The following GPC5 variants were observed in gnomAD, a reference collection of about 807,000 sequenced individuals.
GPC5 encodes the protein glypican 5, also known as glypican-5.
In GPC5, 47 loss-of-function variants were observed where a neutral mutation model predicts 53.9. The observed-to-expected ratio is 0.87, with a 90% CI of 0.69 to 1.11. GPC5 has a LOEUF of 1.11. Ranked by LOEUF, GPC5 falls within the 50% of genes most tolerant of loss-of-function variation. The probability of loss-of-function intolerance (pLI) is 0.00; values close to 1 mark genes in which losing one functional copy is unlikely to be tolerated. For synonymous variants in GPC5, 286 were observed against 263.3 expected, an observed-to-expected ratio of 1.09 and a Z score of -0.84; for missense variants, 748 against 713.1, an observed-to-expected ratio of 1.05 and a Z score of -0.56.
chr13:91,500,920 TA>T (rs1352669628), intron 2 of GPC5, among the ~76,000 whole-genome samples: 1 of 152,188 alleles, frequency 6.6e-6, no homozygotes, highest in Non-Finnish European at 1.5e-5. Flanking sequence ...GATGGTTTTA[TA>T]AGGGGAAACC....
At chr13:91,860,382 G>T (rs1245571376) in intron 5 of GPC5, among the ~76,000 whole-genome samples, 1 of 151,762 alleles carries the variant, frequency 6.6e-6, no homozygotes, top group East Asian at 1.9e-4. Flanking sequence ...TATGCATATT[G>T]CTGTGAAGGA....
At chr13:92,216,979 A>C (rs1262735218) in intron 7 of GPC5, among the ~76,000 whole-genome samples, 1 of 59,488 alleles carries the variant, frequency 1.7e-5, no homozygotes, top group Non-Finnish European at 3.7e-5. Flanking sequence ...ATCTTGTCTC[A>C]AAAAAAAAAA....
chr13:92,023,667 C>CACACAT (rs1555305159), intron 6 of GPC5, among the ~76,000 whole-genome samples: 1 of 100,454 alleles, frequency 1.0e-5, no homozygotes, highest in Non-Finnish European at 2.2e-5. Flanking sequence ...TTGCTGAGGA[C>CACACAT]ACACACACAC....
At chr13:92,273,021 G>C (rs1247668313) in intron 7 of GPC5, among the ~76,000 whole-genome samples, 1 of 152,068 alleles carries the variant, frequency 6.6e-6, no homozygotes, top group Admixed American at 6.5e-5. Context: ...TGGGGACCCT[G>C]GGAGAGGTGA....
chr13:92,079,577 A>G lies in GPC5; in HGVS notation c.1402-65253A>G, dbSNP rs570192363. 2.7e-4 allele frequency among the ~76,000 whole-genome samples: 41 copies of G among 152,294 alleles called. 1 individual carries two copies. The highest frequency in any genetic ancestry group is 4.7e-4 in the Non-Finnish European group (32 of 68,030). ...GGATTAACTCAGTGTCTGCCATGCC[A>G]GGCTCCTTCTTTCCTTACTTCGACA... On this transcript the variant is annotated intron_variant, in intron 6 of 7. Coordinates refer to ENST00000377067, the MANE Select transcript of GPC5 (RefSeq NM_004466.6).
chr13:91,473,153 AACTC>A (rs1397918305), intron 2 of GPC5, among the ~76,000 whole-genome samples: 1 of 152,086 alleles, frequency 6.6e-6, no homozygotes, highest in Non-Finnish European at 1.5e-5. Flanking sequence ...ATCTCATGAG[AACTC>A]ACTCAGTGTC....
At chr13:92,767,006 C>T (rs1171097125) in intron 7 of GPC5, among the ~76,000 whole-genome samples, 1 of 152,214 alleles carries the variant, frequency 6.6e-6, no homozygotes, top group Non-Finnish European at 1.5e-5. Flanking sequence ...AATGAACCCA[C>T]TCTGGGCTGG....
At chr13:92,587,234 AC>A (rs1883565991) in intron 7 of GPC5, among the ~76,000 whole-genome samples, 1 of 152,212 alleles carries the variant, frequency 6.6e-6, no homozygotes, top group African/African-American at 2.4e-5. Context: ...TATATAAAGA[AC>A]TAAAATATAA....
Position 91,948,553 on chromosome 13 carries a change from AAATC to A in GPC5, c.1401+40503_1401+40506del, listed in dbSNP as rs1194993501. ...ATGTTGAGCTTTTTTTTAAACAGAA[AAATC>A]AATCAACTAAGTTATTTGTTAAACA... On this transcript the variant is annotated intron_variant, in intron 6 of 7. Transcript: ENST00000377067. 2.6e-5 allele frequency among the ~76,000 whole-genome samples: 4 copies of A among 152,118 alleles called. No homozygotes were observed. The South Asian group carries it at 6.2e-4, about 24-fold the overall frequency.
intron 2 of GPC5, among the ~76,000 whole-genome samples, chr13:91,571,937 A>ACATACGTG (rs1566516255): frequency 7.5e-6 from 1 of 133,946 alleles, no homozygotes; most frequent in African/African-American, 2.8e-5. Context: ...ATATACACAC[A>ACATACGTG]TGTATATACA....
intron 7 of GPC5, among the ~76,000 whole-genome samples, chr13:92,393,937 T>A (rs1348506820): frequency 6.6e-6 from 1 of 152,228 alleles, no homozygotes; most frequent in Non-Finnish European, 1.5e-5. Flanking sequence ...CTTGTTATAG[T>A]CTTTAATTCA....
intron 6 of GPC5, among the ~76,000 whole-genome samples, chr13:92,100,843 C>T (rs957716612): frequency 6.6e-6 from 1 of 152,164 alleles, no homozygotes; most frequent in African/African-American, 2.4e-5. Context: ...TCCATCATGC[C>T]ACTCAAGGAA....
intron 7 of GPC5, among the ~76,000 whole-genome samples, chr13:92,334,469 T>C (rs902185380): frequency 6.6e-6 from 1 of 152,114 alleles, no homozygotes; most frequent in African/African-American, 2.4e-5. Context: ...CCAAACCATA[T>C]CATTCTGCCC....
intron 7 of GPC5, among the ~76,000 whole-genome samples, chr13:92,644,033 A>G (rs577565590): frequency 6.6e-6 from 1 of 152,210 alleles, no homozygotes; most frequent in Non-Finnish European, 1.5e-5. Flanking sequence ...GTTAAATCAG[A>G]GGAAGCATGG....
intron 6 of GPC5, among the ~76,000 whole-genome samples, chr13:92,089,182 C>T (rs538497371): frequency 2.0e-5 from 3 of 152,286 alleles, no homozygotes; most frequent in Non-Finnish European, 4.4e-5. Flanking sequence ...AGCCTGTAAT[C>T]CCAGCACTTT....
chr13:91,411,915 TA>T (rs1253951818), intron 1 of GPC5, among the ~76,000 whole-genome samples: 2 of 152,268 alleles, frequency 1.3e-5, no homozygotes, highest in Non-Finnish European at 2.9e-5. Flanking sequence ...GTTCTAGAGT[TA>T]CTTTATAAAA....
intron 5 of GPC5, among the ~76,000 whole-genome samples, chr13:91,789,731 G>A (rs1324570828): frequency 6.6e-6 from 1 of 152,122 alleles, no homozygotes; most frequent in Non-Finnish European, 1.5e-5. Flanking sequence ...CAGAATACTT[G>A]AGACTGGGTA....
chr13:92,777,335 C>CAAA (rs71202561), intron 7 of GPC5, among the ~76,000 whole-genome samples: 11,299 of 63,134 alleles, frequency 0.18, 1,100 homozygotes, highest in East Asian at 0.41. Context: ...GACTCCATCT[C>CAAA]AAAAAAAAAA....
At chr13:91,892,700 G>A (rs1484081681) in intron 5 of GPC5, among the ~76,000 whole-genome samples, 5 of 151,570 alleles carry the variant, frequency 3.3e-5, no homozygotes, top group African/African-American at 1.2e-4. Flanking sequence ...AATATATTTA[G>A]ACTTTCTATA....
Sources: allele counts gnomAD v4.1 joint callset (sites outside exome capture counted in the v4.1 genomes callset), GRCh38; gene constraint gnomAD v4.1.1; transcripts MANE v1.5; gene names NCBI Gene and HGNC (gene_info 2026-07-23, HGNC 2026-07-21).